The following RBFOX1 variants were observed in gnomAD, a reference collection of about 807,000 sequenced individuals.
RBFOX1 encodes the protein RNA binding fox-1 homolog 1.
RBFOX1 carries 8 observed loss-of-function variants against 57.7 expected under a neutral mutation model. The observed-to-expected ratio is 0.14, with a 90% CI of 0.08 to 0.25. The LOEUF (loss-of-function observed/expected upper bound fraction) is 0.25. Among genes scored for constraint, RBFOX1 ranks in the 10% least tolerant of loss-of-function variants. The pLI is 1.00. For synonymous variants in RBFOX1, 326 were observed against 222.4 expected, an observed-to-expected ratio of 1.47 and a Z score of -4.15; for missense variants, 611 against 548.5, an observed-to-expected ratio of 1.11 and a Z score of -1.14.
At chr16:5,708,681 C>A (rs2051341808) in intron 3 of RBFOX1, among the ~76,000 whole-genome samples, 1 of 152,164 alleles carries the variant, frequency 6.6e-6, no homozygotes. Flanking sequence ...CAACACATGC[C>A]ACCTACCATT....
chr16:7,078,863 CTTT>C (rs57410575), intron 4 of RBFOX1, among the ~76,000 whole-genome samples: 556 of 52,704 alleles, frequency 0.011, 8 homozygotes, highest in African/African-American at 0.042. Flanking sequence ...ATATATATAC[CTTT>C]TTTTTTTTTT....
At chr16:5,816,773 C>T (rs1381392281) in intron 3 of RBFOX1, among the ~76,000 whole-genome samples, 1 of 152,046 alleles carries the variant, frequency 6.6e-6, no homozygotes, top group African/African-American at 2.4e-5. Flanking sequence ...AACAGTGAGA[C>T]CCCTGTCTCA....
intron 2 of RBFOX1, among the ~76,000 whole-genome samples, chr16:5,470,504 T>C (rs1275215205): frequency 6.8e-6 from 1 of 145,992 alleles, no homozygotes; most frequent in Non-Finnish European, 1.5e-5. Flanking sequence ...TCAATCTCTA[T>C]TTATCTCTCT....
chr16:7,003,231 T>C (rs528803469), intron 3 of RBFOX1, among the ~76,000 whole-genome samples: 1,787 of 151,914 alleles, frequency 0.012, 15 homozygotes, highest in Non-Finnish European at 0.019. Flanking sequence ...GAGGCCGAGG[T>C]GGGTGGATCA....
intron 2 of RBFOX1, among the ~76,000 whole-genome samples, chr16:5,474,282 C>G (rs1292158689): frequency 6.6e-6 from 1 of 152,178 alleles, no homozygotes; most frequent in Non-Finnish European, 1.5e-5. Flanking sequence ...ACACTATAGG[C>G]TGAGAAAGTA....
At chr16:6,730,510 C>G (rs367909519) in intron 3 of RBFOX1, among the ~76,000 whole-genome samples, 1 of 152,168 alleles carries the variant, frequency 6.6e-6, no homozygotes, top group African/African-American at 2.4e-5. Flanking sequence ...ATCCATCTAT[C>G]TACCTGTCTA....
intron 2 of RBFOX1, among the ~76,000 whole-genome samples, chr16:6,422,091 T>G (rs1210250358): frequency 6.6e-6 from 1 of 151,942 alleles, no homozygotes; most frequent in East Asian, 1.9e-4. Flanking sequence ...TGGCTAATTT[T>G]TGTATTTTGT....
intron 4 of RBFOX1, among the ~76,000 whole-genome samples, chr16:7,159,974 G>T (rs951324139): frequency 2.0e-5 from 3 of 152,102 alleles, no homozygotes; most frequent in African/African-American, 7.2e-5. Context: ...CTTGAGGGGG[G>T]AGTTGTCATA....
At chr16:5,708,773 G>A (rs2051345772) in intron 3 of RBFOX1, among the ~76,000 whole-genome samples, 1 of 152,172 alleles carries the variant, frequency 6.6e-6, no homozygotes, top group Non-Finnish European at 1.5e-5. Flanking sequence ...CTGGGAGAGG[G>A]CCATTTTTCT....
intron 3 of RBFOX1, among the ~76,000 whole-genome samples, chr16:6,861,492 C>G (rs562917687): frequency 6.6e-6 from 1 of 151,254 alleles, no homozygotes; most frequent in Non-Finnish European, 1.5e-5. Context: ...CCCCCTCCCC[C>G]CCCGACTCAA....
chr16:6,846,468 A>G (rs919250421), intron 3 of RBFOX1, among the ~76,000 whole-genome samples: 4 of 152,240 alleles, frequency 2.6e-5, no homozygotes, highest in African/African-American at 9.6e-5. Flanking sequence ...CACCTGGGTC[A>G]TAATGAGGGA....
chr16:7,010,931 G>T (rs1294540658), intron 3 of RBFOX1, among the ~76,000 whole-genome samples: 1 of 152,206 alleles, frequency 6.6e-6, no homozygotes, highest in Non-Finnish European at 1.5e-5. Context: ...TCCCACCAAA[G>T]TGAGTCTTAG....
chr16:5,997,631 A>G (rs150575836), intron 4 of RBFOX1, among the ~76,000 whole-genome samples: 19 of 152,306 alleles, frequency 1.2e-4, no homozygotes, highest in African/African-American at 2.6e-4. Flanking sequence ...GTGATAAATG[A>G]ATTATGCCAA....
intron 11 of RBFOX1, among the ~76,000 whole-genome samples, chr16:7,640,069 C>T (rs11648047): frequency 0.66 from 101,068 of 152,106 alleles, 36,359 homozygotes; most frequent in East Asian, 0.94. Flanking sequence ...CTTTTACTAG[C>T]TCTGATATTA....
intron 2 of RBFOX1, among the ~76,000 whole-genome samples, chr16:6,589,006 A>G (rs752674655): frequency 3.3e-5 from 5 of 152,034 alleles, no homozygotes; most frequent in African/African-American, 7.2e-5. Flanking sequence ...CCTTTTTTCC[A>G]TCATCCCTTC....
At chr16:7,419,478 A>G (rs958899902) in intron 4 of RBFOX1, among the ~76,000 whole-genome samples, 1 of 152,192 alleles carries the variant, frequency 6.6e-6, no homozygotes, top group Admixed American at 6.5e-5. Flanking sequence ...GGCAGATTGT[A>G]TTGTGCCTTG....
Position 6,925,562 on chromosome 16 carries a change from C to G in RBFOX1, c.-15-126495C>G, listed in dbSNP as rs528709455. Among the ~76,000 whole-genome samples, 476 of 151,944 alleles carry G rather than the reference C, an allele frequency of 3.1e-3. 5 individuals carry two copies. The highest frequency in any genetic ancestry group is 5.5e-3 in the Non-Finnish European group (377 of 67,992). ...TGATCTATTTTATTCACTGACATAGCTCTAGCATTAAGACTAGTTGGTGGC... is the reference window on the plus strand; with the variant it reads ...TGATCTATTTTATTCACTGACATAGGTCTAGCATTAAGACTAGTTGGTGGC... On this transcript the variant is annotated intron_variant, in intron 3 of 15. Coordinates refer to ENST00000550418, the MANE Select transcript of RBFOX1 (RefSeq NM_018723.4).
At chr16:5,756,153 T>G (rs1353956653) in intron 3 of RBFOX1, among the ~76,000 whole-genome samples, 1 of 146,986 alleles carries the variant, frequency 6.8e-6, no homozygotes, top group Non-Finnish European at 1.5e-5. Flanking sequence ...AACCAGAAGG[T>G]TCCATGCCTT....
intron 4 of RBFOX1, among the ~76,000 whole-genome samples, chr16:7,085,434 A>G (rs1206489575): frequency 1.3e-5 from 2 of 152,160 alleles, no homozygotes; most frequent in Non-Finnish European, 2.9e-5. Flanking sequence ...ATGTTTCAAA[A>G]AAGTATCGAT....
Sources: allele counts gnomAD v4.1 joint callset (sites outside exome capture counted in the v4.1 genomes callset), GRCh38; gene constraint gnomAD v4.1.1; transcripts MANE v1.5; gene names NCBI Gene and HGNC (gene_info 2026-07-23, HGNC 2026-07-21).